The following ZHX2 variants were observed in gnomAD, a reference collection of about 807,000 sequenced individuals.
ZHX2 encodes zinc fingers and homeoboxes 2.
Under a neutral mutation model 21.9 loss-of-function variants are expected in ZHX2, and 6 were observed. That is an observed-to-expected ratio of 0.27 (90% CI 0.15 to 0.54). The LOEUF (loss-of-function observed/expected upper bound fraction) is 0.54. ZHX2 is among the 20% of genes least tolerant of loss of function. The probability of loss-of-function intolerance (pLI) is 0.95; values close to 1 mark genes in which losing one functional copy is unlikely to be tolerated. For missense variants in ZHX2, 908 were observed against 1,090.7 expected, an observed-to-expected ratio of 0.83 and a Z score of 2.36; for synonymous variants, 434 against 437.1, an observed-to-expected ratio of 0.99 and a Z score of 0.09.
At chr8:122,969,511 A>G (rs1032026210) in intron 3 of ZHX2, among the ~76,000 whole-genome samples, 2 of 152,158 alleles carry the variant, frequency 1.3e-5, no homozygotes, top group Non-Finnish European at 2.9e-5. Flanking sequence ...AATTACATCC[A>G]TTATGTGCGG....
In ZHX2 at chr8:122,782,126, G is replaced by T. The variant is rs1420903228; in HGVS notation, c.-283+180G>T. 2.3e-5 allele frequency among the ~76,000 whole-genome samples: 1 copy of T among 43,570 alleles called. No homozygotes were observed. Among genetic ancestry groups the T allele is most frequent in the Non-Finnish European group, 1.1e-4 (1 of 9,128 alleles). 28.6% of individuals were successfully genotyped at this position (43,570 alleles called of 152,430 possible). A position where few individuals can be genotyped will look rare whatever the true frequency, so the allele number is the denominator to read the frequency against. ...TTGTGATTGGAAGGGGGGTACGGAA[G>T]GGGGGGGGTGTGCAGGCTCTTTTTG... On this transcript the variant is annotated intron_variant, in intron 1 of 3. Coordinates refer to ENST00000314393, the MANE Select transcript of ZHX2 (RefSeq NM_014943.5). This position sits in a 1 kb window ranked among gnomAD's most constrained non-coding sequence, Gnocchi z 5.3.
At chr8:122,860,790 C>G (rs1181075286) in intron 1 of ZHX2, among the ~76,000 whole-genome samples, 1 of 152,024 alleles carries the variant, frequency 6.6e-6, no homozygotes, top group South Asian at 2.1e-4. Context: ...AATCCCAGCA[C>G]TTTGGGAGGC....
At chr8:122,789,005 C>T (rs759802182) in intron 1 of ZHX2, among the ~76,000 whole-genome samples, 5 of 152,228 alleles carry the variant, frequency 3.3e-5, no homozygotes, top group Non-Finnish European at 7.3e-5. Context: ...TTGCGCCCTC[C>T]GCCCTCTCCT....
chr8:122,790,084 G>A (rs761281303), intron 1 of ZHX2, among the ~76,000 whole-genome samples: 19 of 152,158 alleles, frequency 1.2e-4, no homozygotes, highest in Non-Finnish European at 2.6e-4. Flanking sequence ...TTTAGAATAG[G>A]ATTTATGGAT....
At chr8:122,918,077 T>C (rs1270709975) in intron 2 of ZHX2, among the ~76,000 whole-genome samples, 1 of 152,238 alleles carries the variant, frequency 6.6e-6, no homozygotes, top group Admixed American at 6.5e-5. Flanking sequence ...TAATGGCTAA[T>C]CTTTACTGAG....
rs766152572 is a variant in ZHX2, at chr8:122,828,506, G to A, written c.-282-34971G>A. Reference sequence around the variant, plus strand: ...GAAGACAGGGAGAGCTGCGGCCCACGAATGCATCTACCAGTGTGCAGCTAA... The same window carrying A: ...GAAGACAGGGAGAGCTGCGGCCCACAAATGCATCTACCAGTGTGCAGCTAA... On this transcript the variant is annotated intron_variant, in intron 1 of 3. Coordinates refer to ENST00000314393, the MANE Select transcript of ZHX2 (RefSeq NM_014943.5). This position sits in a 1 kb window ranked among gnomAD's most constrained non-coding sequence, Gnocchi z 5.2. 2.0e-5 allele frequency among the ~76,000 whole-genome samples: 3 copies of A among 152,214 alleles called. No homozygotes were observed. Among genetic ancestry groups the A allele is most frequent in the South Asian group, 2.1e-4 (1 of 4,830 alleles).
At position 122,952,362 on chromosome 8, in the gene ZHX2, T is replaced by G; in HGVS notation, c.852T>G (p.Phe284Leu). Residue 284 changes from phenylalanine to leucine, a missense_variant, in exon 3 of 4, where the codon TTT (phenylalanine) becomes TTG (leucine). Phe to Leu is a conservative substitution (Grantham distance 22, BLOSUM62 0). Around this residue, in one of 4 missense-constraint regions of ZHX2, gnomAD observed 232 missense variants for 361.8 expected, o/e 0.64. Coordinates refer to ENST00000314393, the MANE Select transcript of ZHX2 (RefSeq NM_014943.5). This position sits in a 1 kb window ranked among gnomAD's most constrained non-coding sequence, Gnocchi z 6.9. ...NATMINSFNK[F>L]PYPTQAELSW... The stretch of plus-strand genomic sequence containing the variant: ...CGATGATCAACTCTTTCAACAAGTT[T>G]CCTTACCCGACCCAGGCTGAGTTGT... 6.2e-7 allele frequency: 1 copy of G among 1,614,120 alleles called. No individual in the cohort carries two copies. The highest frequency in any genetic ancestry group is 8.5e-7 in the Non-Finnish European group (1 of 1,180,026).
chr8:122,809,381 T>A (rs1817881650), intron 1 of ZHX2, among the ~76,000 whole-genome samples: 1 of 152,130 alleles, frequency 6.6e-6, no homozygotes, highest in Non-Finnish European at 1.5e-5. Context: ...GCGCCTGTAA[T>A]CCCAGCTACT....
chr8:122,955,655 C>G (rs1220155747), intron 3 of ZHX2, among the ~76,000 whole-genome samples: 1 of 151,990 alleles, frequency 6.6e-6, no homozygotes, highest in Non-Finnish European at 1.5e-5. Flanking sequence ...GAGGAAATGC[C>G]TGTGTGTCAA....
intron 1 of ZHX2, among the ~76,000 whole-genome samples, chr8:122,837,870 A>G (rs1249900352): frequency 6.6e-6 from 1 of 152,208 alleles, no homozygotes; most frequent in Non-Finnish European, 1.5e-5. Context: ...ATTGGGTAAA[A>G]TGGAAACACT....
At chr8:122,861,127 C>A (rs1819157966) in intron 1 of ZHX2, among the ~76,000 whole-genome samples, 1 of 150,126 alleles carries the variant, frequency 6.7e-6, no homozygotes, top group African/African-American at 2.4e-5. Flanking sequence ...GCAACAAACT[C>A]TTCTAAGACA....
chr8:122,961,385 G>A (rs980670535), intron 3 of ZHX2, among the ~76,000 whole-genome samples: 5 of 152,184 alleles, frequency 3.3e-5, no homozygotes, highest in African/African-American at 9.7e-5. Context: ...ATTTAGGGGG[G>A]ATATAATTCT....
chr8:122,851,840 TCCAGAAC>T (rs901014352), intron 1 of ZHX2, among the ~76,000 whole-genome samples: 11 of 152,298 alleles, frequency 7.2e-5, no homozygotes, highest in Non-Finnish European at 1.6e-4. Context: ...CTCGTCTTAC[TCCAGAAC>T]CCACTCTCTG....
chr8:122,936,521 C>T (rs544741732), intron 2 of ZHX2, among the ~76,000 whole-genome samples: 92 of 152,260 alleles, frequency 6.0e-4, no homozygotes, highest in Non-Finnish European at 1.1e-3. Flanking sequence ...ACCATGCTGT[C>T]GTGGCAGGAA....
In ZHX2 at chr8:122,952,937, C is replaced by A. The variant is rs1813168569; in HGVS notation, c.1427C>A (p.Thr476Asn). Residue 476 changes from threonine to asparagine, a missense_variant, in exon 3 of 4, where the codon ACT becomes AAT. This residue lies in a region of ZHX2 where 232 missense variants were observed against 361.8 expected (regional missense o/e 0.64). Coordinates refer to ENST00000314393, the MANE Select transcript of ZHX2 (RefSeq NM_014943.5). This position sits in a 1 kb window ranked among gnomAD's most constrained non-coding sequence, Gnocchi z 6.9. ...GAGGTTTACCGGCTCATCGAGGTGACTGGCCTTGCCAGGAGCGAGATCAAG... is the reference window on the plus strand; with the variant it reads ...GAGGTTTACCGGCTCATCGAGGTGAATGGCCTTGCCAGGAGCGAGATCAAG... ...DAEVYRLIEVTGLARSEIKKW... is the reference protein window; with the variant it reads ...DAEVYRLIEVNGLARSEIKKW... 1 of 1,614,126 alleles carries A rather than the reference C, an allele frequency of 6.2e-7. No individual in the cohort carries two copies. Among genetic ancestry groups the A allele is most frequent in the Non-Finnish European group, 8.5e-7 (1 of 1,180,046 alleles).
intron 2 of ZHX2, among the ~76,000 whole-genome samples, chr8:122,865,059 G>T (rs535274626): frequency 6.6e-6 from 1 of 152,086 alleles, no homozygotes. Flanking sequence ...TGTATATTCA[G>T]CTGAGCCCTG....
chr8:122,792,293 C>T (rs72714390), intron 1 of ZHX2, among the ~76,000 whole-genome samples: 31,760 of 152,092 alleles, frequency 0.21, 3,495 homozygotes, highest in East Asian at 0.32. Flanking sequence ...GGTTCATCCG[C>T]GTTGTAGCAT....
chr8:122,938,900 GT>G, intron 2 of ZHX2, among the ~76,000 whole-genome samples: 1 of 152,162 alleles, frequency 6.6e-6, no homozygotes, highest in East Asian at 1.9e-4. Flanking sequence ...CAGTAGAGGT[GT>G]TTTGAGGATG....
intron 1 of ZHX2, among the ~76,000 whole-genome samples, chr8:122,806,379 A>T (rs1817824162): frequency 6.6e-6 from 1 of 152,224 alleles, no homozygotes; most frequent in South Asian, 2.1e-4. Context: ...GAAACCTGAG[A>T]GCTGAGAAAG....
Sources: gnomAD v4.1 joint callset for allele counts (sites outside exome capture counted in the v4.1 genomes callset) on GRCh38, gnomAD v4.1.1 for gene constraint, gnomAD v4.1.1 regional missense constraint, Gnocchi (gnomAD v3.1) non-coding constraint, MANE v1.5 for transcripts, NCBI Gene and HGNC (gene_info 2026-07-23, HGNC 2026-07-21) for gene names.